The following DENND5B variants were observed in gnomAD, a reference collection of about 807,000 sequenced individuals.
DENND5B encodes DENN domain containing 5B.
A neutral mutation model predicts 140.6 loss-of-function variants in DENND5B; 34 were observed. The observed-to-expected ratio is 0.24, with a 90% CI of 0.18 to 0.32. The LOEUF (loss-of-function observed/expected upper bound fraction) is 0.32. DENND5B is among the 10% of genes least tolerant of loss of function. DENND5B has a pLI of 1.00. For missense variants in DENND5B, 1,142 were observed against 1,560.2 expected, an observed-to-expected ratio of 0.73 and a Z score of 4.52; for synonymous variants, 551 against 562.1, an observed-to-expected ratio of 0.98 and a Z score of 0.28.
chr12:31,471,658 T>C (rs1321420787), intron 3 of DENND5B, among the ~76,000 whole-genome samples: 2 of 151,952 alleles, frequency 1.3e-5, no homozygotes, highest in African/African-American at 4.8e-5. Context: ...ATAAGTATCA[T>C]CCACTTCCTG....
chr12:31,434,005 A>G (rs1943633004), intron 7 of DENND5B, among the ~76,000 whole-genome samples: 1 of 152,174 alleles, frequency 6.6e-6, no homozygotes, highest in Admixed American at 6.6e-5. Flanking sequence ...GATAAATAGA[A>G]AGATTCAAAC....
At chr12:31,536,151 C>G (rs1592000688) in intron 1 of DENND5B, among the ~76,000 whole-genome samples, 1 of 152,240 alleles carries the variant, frequency 6.6e-6, no homozygotes, top group African/African-American at 2.4e-5. Context: ...GAGCAGATGT[C>G]AGAATCACGT....
intron 1 of DENND5B, among the ~76,000 whole-genome samples, chr12:31,542,287 C>CAAA (rs778257868): frequency 6.4e-5 from 4 of 62,276 alleles, no homozygotes; most frequent in Non-Finnish European, 9.9e-5. Flanking sequence ...GACTCCGTCT[C>CAAA]AAAAAAAAAA....
rs2139567629 is a variant in DENND5B at position 31,591,016 on chromosome 12, C to G, written c.-184G>C. ...CCTCGCTCGGCGCGGGGGAAGCGGC[C>G]GCGGGCTCGCGCGCGGCGGGTCCGG... On this transcript the variant is annotated 5_prime_UTR_variant, in exon 1 of 21. Coordinates refer to ENST00000389082, the MANE Select transcript of DENND5B (RefSeq NM_144973.4). 1 of 553,630 alleles carries G rather than the reference C, an allele frequency of 1.8e-6. No homozygotes were observed. The highest frequency in any genetic ancestry group is 1.4e-4 in the East Asian group (1 of 7,370). 34.3% of individuals were successfully genotyped at this position (553,630 alleles called of 1,614,324 possible).
intron 1 of DENND5B, among the ~76,000 whole-genome samples, chr12:31,585,963 A>T (rs377657652): frequency 3.3e-4 from 51 of 152,366 alleles, no homozygotes; most frequent in Middle Eastern, 3.4e-3. Context: ...AGACTCATGT[A>T]AACTTATATT....
chr12:31,476,181 TG>T, intron 3 of DENND5B, among the ~76,000 whole-genome samples: 1 of 149,648 alleles, frequency 6.7e-6, no homozygotes, highest in African/African-American at 2.5e-5. Context: ...TGGAAGCTTT[TG>T]GAGTTTTTTT....
At chr12:31,404,746 G>A (rs936884543) in intron 14 of DENND5B, among the ~76,000 whole-genome samples, 30 of 115,540 alleles carry the variant, frequency 2.6e-4, no homozygotes, top group African/African-American at 7.3e-4. Flanking sequence ...AAGCCACCGC[G>A]TCCGACCTCT....
In DENND5B at chr12:31,413,428, T is replaced by A; in HGVS notation, c.2681+8A>T. The A allele has an allele frequency of 6.2e-7, 1 of 1,608,470 alleles. No individual in the cohort carries two copies. Among genetic ancestry groups the A allele is most frequent in the Non-Finnish European group, 8.5e-7 (1 of 1,177,432 alleles). On this transcript the variant is annotated splice_region_variant and intron_variant, in intron 13 of 20. Coordinates refer to ENST00000389082, the MANE Select transcript of DENND5B (RefSeq NM_144973.4). ...AGAAACAGAAATGTATCAAAGATGGTATCTTACTTGGTGAGTGGTTGGTTA... is the reference window on the plus strand; with the variant it reads ...AGAAACAGAAATGTATCAAAGATGGAATCTTACTTGGTGAGTGGTTGGTTA...
At chr12:31,404,458 G>A (rs1281983007) in intron 14 of DENND5B, among the ~76,000 whole-genome samples, 2 of 152,060 alleles carry the variant, frequency 1.3e-5, no homozygotes, top group East Asian at 1.9e-4. Context: ...TACCACACCT[G>A]GCTAACTTTA....
intron 2 of DENND5B, among the ~76,000 whole-genome samples, chr12:31,486,872 A>G (rs145874742): frequency 6.6e-6 from 1 of 152,238 alleles, no homozygotes; most frequent in Non-Finnish European, 1.5e-5. Flanking sequence ...AGAAGCAATT[A>G]AAGTCTTGCA....
intron 1 of DENND5B, among the ~76,000 whole-genome samples, chr12:31,546,516 A>G (rs557081235): frequency 6.6e-6 from 1 of 152,202 alleles, no homozygotes; most frequent in Non-Finnish European, 1.5e-5. Context: ...GTGAAACCAC[A>G]TCTCTACTAA....
intron 2 of DENND5B, among the ~76,000 whole-genome samples, chr12:31,480,938 G>A: frequency 6.6e-6 from 1 of 151,994 alleles, no homozygotes; most frequent in Non-Finnish European, 1.5e-5. Flanking sequence ...CCAGGATTGA[G>A]GAAACTTGAG....
chr12:31,423,801 T>C, intron 10 of DENND5B, 126 bp from the exon 11 acceptor site: 1 of 835,678 alleles, frequency 1.2e-6, no homozygotes, highest in South Asian at 1.6e-5. Flanking sequence ...TCATTCCTAG[T>C]TGTATGACAT....
At chr12:31,412,805 T>G (rs1386540937) in intron 13 of DENND5B, among the ~76,000 whole-genome samples, 1 of 152,242 alleles carries the variant, frequency 6.6e-6, no homozygotes, top group East Asian at 1.9e-4. Context: ...GTATACAGGT[T>G]TTACAATATA....
At chr12:31,550,573 T>C (rs1315417687) in intron 1 of DENND5B, among the ~76,000 whole-genome samples, 2 of 152,022 alleles carry the variant, frequency 1.3e-5, no homozygotes, top group Non-Finnish European at 2.9e-5. Context: ...CCTTTGGGTA[T>C]ATAGCCAGTA....
chr12:31,495,902 T>A lies in DENND5B; in HGVS notation c.145A>T (p.Ser49Cys). 1 of 1,609,860 alleles carries A rather than the reference T, an allele frequency of 6.2e-7. No individual in the cohort carries two copies. Among genetic ancestry groups the A allele is most frequent in the Non-Finnish European group, 8.5e-7 (1 of 1,178,198 alleles). Residue 49 changes from serine (S) to cysteine (C), a missense_variant, in exon 2 of 21, where the codon AGT becomes TGT. Around this residue, in one of 5 missense-constraint regions of DENND5B, gnomAD observed 708 missense variants for 905.5 expected, o/e 0.78. Coordinates refer to ENST00000389082, the MANE Select transcript of DENND5B (RefSeq NM_144973.4). ...GATTTGAATGTTCTTCTCAAAGGAC[T>A]CTGGTCAAAATTTTCGCCTACAACA... ...DELAGENFDQSPLRRTFKSKV... is the reference protein window; with the variant it reads ...DELAGENFDQCPLRRTFKSKV...
intron 1 of DENND5B, among the ~76,000 whole-genome samples, chr12:31,587,526 CTTTTTTTTTTTTTTTTT>C (rs71460995): frequency 1.0e-3 from 78 of 75,028 alleles, no homozygotes; most frequent in South Asian, 4.0e-3. Flanking sequence ...CCACAAATAC[CTTTTTTTTTTTTTTTTT>C]TTTTTTTTTT....
At chr12:31,558,310 A>T (rs1486947932) in intron 1 of DENND5B, among the ~76,000 whole-genome samples, 1 of 152,020 alleles carries the variant, frequency 6.6e-6, no homozygotes, top group Non-Finnish European at 1.5e-5. Flanking sequence ...TTGGAGCAAG[A>T]GGCAATTGCA....
chr12:31,433,843 A>ATT, intron 7 of DENND5B, among the ~76,000 whole-genome samples: 1 of 152,060 alleles, frequency 6.6e-6, no homozygotes, highest in South Asian at 2.1e-4. Context: ...ACATAGTGAG[A>ATT]CTGTCTCTAC....
Sources: gnomAD v4.1 joint callset for allele counts (sites outside exome capture counted in the v4.1 genomes callset) on GRCh38, gnomAD v4.1.1 for gene constraint, gnomAD v4.1.1 regional missense constraint, MANE v1.5 for transcripts, NCBI Gene and HGNC (gene_info 2026-07-23, HGNC 2026-07-21) for gene names.